Variants in CCBE1 observed in about 807,000 individuals in gnomAD.
CCBE1 encodes collagen and calcium binding EGF domains 1.
CCBE1 carries 37 observed loss-of-function variants against 50.0 expected under a neutral mutation model. That is an observed-to-expected ratio of 0.74 (90% CI 0.57 to 0.97). CCBE1 has a LOEUF of 0.97. Among genes scored for constraint, CCBE1 ranks in the 50% least tolerant of loss-of-function variants. The pLI is 0.00. For synonymous variants in CCBE1, 234 were observed against 203.7 expected (o/e 1.15, Z -1.27); for missense variants, 538 against 523.8 (o/e 1.03, Z -0.26).
intron 2 of CCBE1, among the ~76,000 whole-genome samples, chr18:59,690,873 G>T (rs2054721593): frequency 6.6e-6 from 1 of 152,196 alleles, no homozygotes; most frequent in Non-Finnish European, 1.5e-5. Flanking sequence ...AAACACACAG[G>T]CAGGAACCCA....
At chr18:59,695,561 T>C (rs2054794304) in intron 2 of CCBE1, among the ~76,000 whole-genome samples, 1 of 152,230 alleles carries the variant, frequency 6.6e-6, no homozygotes, top group East Asian at 1.9e-4. Flanking sequence ...ATGGTGCTTT[T>C]GCACCCATAA....
chr18:59,469,376 T>C (rs1034990136), intron 4 of CCBE1, 97 bp downstream of exon 4: 11 of 1,513,358 alleles, frequency 7.3e-6, no homozygotes, highest in African/African-American at 2.7e-5. Flanking sequence ...CACAACTCCA[T>C]CCAACAAGTA....
At chr18:59,510,542 G>A (rs552011702) in intron 2 of CCBE1, among the ~76,000 whole-genome samples, 29 of 151,888 alleles carry the variant, frequency 1.9e-4, no homozygotes, top group Non-Finnish European at 1.9e-4. Context: ...CTGTCTCAGC[G>A]TCTCAAGTAG....
intron 2 of CCBE1, among the ~76,000 whole-genome samples, chr18:59,676,592 T>C (rs969407299): frequency 3.9e-5 from 6 of 152,208 alleles, no homozygotes; most frequent in African/African-American, 1.4e-4. Context: ...TTCACAAATA[T>C]GTATTCTGCA....
chr18:59,621,167 T>A (rs1332088246), intron 2 of CCBE1, among the ~76,000 whole-genome samples: 2 of 152,184 alleles, frequency 1.3e-5, no homozygotes, highest in African/African-American at 4.8e-5. Flanking sequence ...CAGGAAATGA[T>A]GTATCACTCA....
chr18:59,480,057 A>G, intron 3 of CCBE1, 129 bp downstream of exon 3: 1 of 696,888 alleles, frequency 1.4e-6, no homozygotes, highest in South Asian at 2.0e-5. Flanking sequence ...ATGCCAAAAA[A>G]TATACACAGA....
At position 59,618,322 on chromosome 18, in the gene CCBE1, G is replaced by T. The variant is rs564013577; in HGVS notation, c.212+78307C>A. Reference sequence around the variant, plus strand: ...TTAATAAATTAAGATGTTTTCCACAGAATCTAGTTTAAAAAAGAAAAAAAA... The same window carrying T: ...TTAATAAATTAAGATGTTTTCCACATAATCTAGTTTAAAAAAGAAAAAAAA... On this transcript the variant is annotated intron_variant, in intron 2 of 10. Coordinates refer to ENST00000439986, the MANE Select transcript of CCBE1 (RefSeq NM_133459.4). 3.3e-5 allele frequency among the ~76,000 whole-genome samples: 5 copies of T among 151,534 alleles called. No homozygotes were observed. In the South Asian group the frequency reaches 1.0e-3, roughly 32 times the overall value.
chr18:59,522,993 C>CAAAAAAAAAAAAAAAAAAAAAAAAAAAAA (rs57217059), intron 2 of CCBE1, among the ~76,000 whole-genome samples: 2 of 89,222 alleles, frequency 2.2e-5, no homozygotes, highest in African/African-American at 4.1e-5. Flanking sequence ...GACTCTGTTT[C>CAAAAAAAAAAAAAAAAAAAAAAAAAAAAA]AAAAAAAAAA....
intron 2 of CCBE1, among the ~76,000 whole-genome samples, chr18:59,539,071 G>A (rs549312447): frequency 6.6e-6 from 1 of 152,206 alleles, no homozygotes; most frequent in South Asian, 2.1e-4. Flanking sequence ...AGTTACTCAG[G>A]AGGCTGAAGC....
intron 2 of CCBE1, among the ~76,000 whole-genome samples, chr18:59,636,372 G>C (rs953914992): frequency 6.6e-6 from 1 of 152,198 alleles, no homozygotes; most frequent in Non-Finnish European, 1.5e-5. Context: ...CGTAGACCCT[G>C]CCTCAAATAG....
chr18:59,565,917 G>A (rs542524415), intron 2 of CCBE1, among the ~76,000 whole-genome samples: 29 of 152,144 alleles, frequency 1.9e-4, no homozygotes, highest in Non-Finnish European at 2.9e-4. Context: ...AGGCTGTTAC[G>A]TCAGGGCTCC....
intron 2 of CCBE1, among the ~76,000 whole-genome samples, chr18:59,529,765 G>A (rs755270644): frequency 1.2e-4 from 18 of 152,074 alleles, no homozygotes; most frequent in Non-Finnish European, 1.5e-5. Flanking sequence ...CTCAGTGGGA[G>A]CCTCCAACTG....
At chr18:59,524,151 T>C (rs1914719749) in intron 2 of CCBE1, among the ~76,000 whole-genome samples, 1 of 152,110 alleles carries the variant, frequency 6.6e-6, no homozygotes, top group Non-Finnish European at 1.5e-5. Flanking sequence ...TGAAACTGCG[T>C]TTCCACTAAA....
chr18:59,660,091 A>G (rs2054261930), intron 2 of CCBE1, among the ~76,000 whole-genome samples: 2 of 152,186 alleles, frequency 1.3e-5, no homozygotes, highest in South Asian at 4.1e-4. Context: ...ATACAATTGC[A>G]TAGTTTTGCC....
chr18:59,456,347 C>A (rs548402375), intron 5 of CCBE1, among the ~76,000 whole-genome samples: 2 of 152,310 alleles, frequency 1.3e-5, no homozygotes, highest in South Asian at 4.1e-4. Context: ...AACAGGATCA[C>A]TTCAAATAAA....
At chr18:59,479,632 G>T (rs1790507) in intron 3 of CCBE1, among the ~76,000 whole-genome samples, 39,433 of 152,148 alleles carry the variant, frequency 0.26, 5,375 homozygotes, top group African/African-American at 0.29. Flanking sequence ...AAAGCTATTA[G>T]TAGGACATAG....
At chr18:59,548,325 A>G (rs1359191337) in intron 2 of CCBE1, among the ~76,000 whole-genome samples, 4 of 152,200 alleles carry the variant, frequency 2.6e-5, no homozygotes, top group African/African-American at 9.7e-5. Flanking sequence ...ATACTTTCTG[A>G]TTTCTCTGGT....
intron 2 of CCBE1, among the ~76,000 whole-genome samples, chr18:59,617,576 T>C (rs1459784709): frequency 6.6e-6 from 1 of 152,202 alleles, no homozygotes; most frequent in East Asian, 1.9e-4. Flanking sequence ...GGAGCTTGGA[T>C]GAAAGCCAGA....
At chr18:59,534,456 AAT>A (rs1915170734) in intron 2 of CCBE1, among the ~76,000 whole-genome samples, 1 of 152,238 alleles carries the variant, frequency 6.6e-6, no homozygotes, top group South Asian at 2.1e-4. Context: ...TTTGGGCTGT[AAT>A]ATTACATAAC....
Sources: allele counts gnomAD v4.1 joint callset (sites outside exome capture counted in the v4.1 genomes callset), GRCh38; gene constraint gnomAD v4.1.1; transcripts MANE v1.5; gene names NCBI Gene and HGNC (gene_info 2026-07-23, HGNC 2026-07-21).